Variants in DAB1 observed in about 807,000 individuals in gnomAD.
DAB1 encodes the protein DAB adaptor protein 1.
DAB1 carries 15 observed loss-of-function variants against 64.6 expected under a neutral mutation model. The ratio of observed to expected loss-of-function variants is 0.23; its 90% CI spans 0.16 to 0.36. DAB1 has a LOEUF of 0.36. Among genes scored for constraint, DAB1 ranks in the 10% least tolerant of loss-of-function variants. The probability of loss-of-function intolerance (pLI) is 1.00; values close to 1 mark genes in which losing one functional copy is unlikely to be tolerated. For missense variants in DAB1, 596 were observed against 706.7 expected, an observed-to-expected ratio of 0.84 and a Z score of 1.78; for synonymous variants, 235 against 251.9, an observed-to-expected ratio of 0.93 and a Z score of 0.64.
intron 5 of DAB1, among the ~76,000 whole-genome samples, chr1:58,117,592 C>T (rs1248053094): frequency 6.6e-6 from 1 of 152,158 alleles, no homozygotes; most frequent in East Asian, 1.9e-4. Flanking sequence ...GCTTTGATTC[C>T]ACTGTCTTTC....
intron 7 of DAB1, among the ~76,000 whole-genome samples, chr1:57,495,145 T>C (rs1047298504): frequency 2.6e-5 from 4 of 152,244 alleles, no homozygotes; most frequent in Middle Eastern, 3.4e-3. Flanking sequence ...CAAAGCTCAA[T>C]GTGAGTTAAT....
chr1:57,965,781 T>TA, intron 5 of DAB1, among the ~76,000 whole-genome samples: 1 of 152,188 alleles, frequency 6.6e-6, no homozygotes, highest in Non-Finnish European at 1.5e-5. Context: ...TCACAATCTT[T>TA]AGGGGAGGTA....
At chr1:57,932,081 C>T (rs926711412) in intron 5 of DAB1, among the ~76,000 whole-genome samples, 1 of 152,038 alleles carries the variant, frequency 6.6e-6, no homozygotes, top group African/African-American at 2.4e-5. Flanking sequence ...TTTTAAATTT[C>T]TCTTGAGATT....
chr1:58,168,683 C>T (rs1165595157), intron 4 of DAB1, among the ~76,000 whole-genome samples: 1 of 152,110 alleles, frequency 6.6e-6, no homozygotes, highest in Non-Finnish European at 1.5e-5. Context: ...AAAAGCTATT[C>T]CTGAAGCTAG....
At chr1:58,300,017 C>T (rs2100459786) in intron 4 of DAB1, among the ~76,000 whole-genome samples, 1 of 152,204 alleles carries the variant, frequency 6.6e-6, no homozygotes, top group Non-Finnish European at 1.5e-5. Flanking sequence ...GGCTTAGCTC[C>T]ATGGAGTTGC....
chr1:57,376,215 G>A (rs1409470859), intron 1 of DAB1, among the ~76,000 whole-genome samples: 1 of 152,154 alleles, frequency 6.6e-6, no homozygotes, highest in Non-Finnish European at 1.5e-5. Flanking sequence ...TTTGAGACAT[G>A]CAGCCTCTAG....
intron 3 of DAB1, among the ~76,000 whole-genome samples, chr1:58,376,071 CTT>C (rs1276002552): frequency 2.0e-5 from 3 of 151,950 alleles, no homozygotes; most frequent in Non-Finnish European, 4.4e-5. Flanking sequence ...ATTCTTCTCT[CTT>C]TTTTTCTTTG....
chr1:57,167,515 C>A (rs565269733), intron 2 of DAB1, among the ~76,000 whole-genome samples: 1 of 152,294 alleles, frequency 6.6e-6, no homozygotes, highest in African/African-American at 2.4e-5. Flanking sequence ...TCTTTCCTCA[C>A]TTGACAATCT....
intron 6 of DAB1, among the ~76,000 whole-genome samples, chr1:57,802,253 T>C (rs943934819): frequency 2.0e-5 from 3 of 152,250 alleles, no homozygotes; most frequent in African/African-American, 7.2e-5. Flanking sequence ...TACTTTGCTG[T>C]TGTCCTTTTG....
At chr1:58,139,306 C>T (rs138309364) in intron 5 of DAB1, among the ~76,000 whole-genome samples, 71 of 152,248 alleles carry the variant, frequency 4.7e-4, no homozygotes, top group African/African-American at 1.4e-3. Flanking sequence ...CGTCCATTCT[C>T]ATGCTACTAT....
chr1:58,349,520 A>G (rs1459040942), intron 3 of DAB1, among the ~76,000 whole-genome samples: 1 of 152,096 alleles, frequency 6.6e-6, no homozygotes, highest in Non-Finnish European at 1.5e-5. Context: ...CAGGTTTGTT[A>G]TATAGGTATG....
intron 4 of DAB1, among the ~76,000 whole-genome samples, chr1:58,182,764 A>G (rs1429820123): frequency 2.0e-5 from 3 of 151,964 alleles, no homozygotes; most frequent in African/African-American, 7.3e-5. Flanking sequence ...GCTGCTTTGA[A>G]GTCTTTTTCT....
intron 5 of DAB1, among the ~76,000 whole-genome samples, chr1:58,035,005 C>A (rs1647023373): frequency 1.3e-5 from 2 of 152,188 alleles, no homozygotes; most frequent in South Asian, 2.1e-4. Context: ...AGAAGTAACA[C>A]CCTGTCTTTA....
chr1:57,930,692 A>C (rs78144265), intron 5 of DAB1, among the ~76,000 whole-genome samples: 2,872 of 152,266 alleles, frequency 0.019, 64 homozygotes, highest in East Asian at 0.081. Flanking sequence ...ATAGAAGAGT[A>C]ATTCACTTCA....
At chr1:57,484,282 G>A (rs1278915986) in intron 7 of DAB1, among the ~76,000 whole-genome samples, 1 of 152,116 alleles carries the variant, frequency 6.6e-6, no homozygotes, top group African/African-American at 2.4e-5. Flanking sequence ...TGTAATGAGT[G>A]TTACTGGAAT....
intron 7 of DAB1, among the ~76,000 whole-genome samples, chr1:57,556,869 G>C (rs374986638): frequency 2.7e-4 from 41 of 152,274 alleles, no homozygotes; most frequent in African/African-American, 8.7e-4. Context: ...GTCTAGAAGG[G>C]TTTTTCCAAC....
intron 4 of DAB1, among the ~76,000 whole-genome samples, chr1:58,168,492 C>T (rs949171307): frequency 3.9e-5 from 6 of 152,144 alleles, no homozygotes; most frequent in African/African-American, 1.2e-4. Flanking sequence ...CTAAAAACCA[C>T]TCCCTGTCTC....
intron 5 of DAB1, among the ~76,000 whole-genome samples, chr1:58,115,396 TA>T (rs1652261590): frequency 2.0e-5 from 1 of 49,426 alleles, no homozygotes; most frequent in Non-Finnish European, 3.2e-5. Context: ...GGTGGGACTG[TA>T]AACTAGTTCA....
intron 3 of DAB1, among the ~76,000 whole-genome samples, chr1:58,387,923 T>G (rs1285765258): frequency 6.6e-6 from 1 of 152,070 alleles, no homozygotes; most frequent in African/African-American, 2.4e-5. Flanking sequence ...GAGACAGGGT[T>G]TCACCATGTT....
Sources: allele counts gnomAD v4.1 joint callset (sites outside exome capture counted in the v4.1 genomes callset), GRCh38; gene constraint gnomAD v4.1.1; transcripts MANE v1.5; gene names NCBI Gene and HGNC (gene_info 2026-07-23, HGNC 2026-07-21).